The following GALNT13 variants were observed in gnomAD, a reference collection of about 807,000 sequenced individuals.
GALNT13 encodes polypeptide N-acetylgalactosaminyltransferase 13.
Under a neutral mutation model 64.2 loss-of-function variants are expected in GALNT13, and 28 were observed. That is an observed-to-expected ratio of 0.44 (90% CI 0.32 to 0.60). The LOEUF (loss-of-function observed/expected upper bound fraction) is 0.60. GALNT13 is among the 20% of genes least tolerant of loss of function. The pLI, the probability that GALNT13 is intolerant of heterozygous loss-of-function variation, is 0.05. For synonymous variants in GALNT13, 214 were observed against 224.6 expected (o/e 0.95, Z 0.42); for missense variants, 577 against 669.8 (o/e 0.86, Z 1.53).
the GALNT13 span, among the ~76,000 whole-genome samples, chr2:153,439,619 A>C: frequency 6.6e-6 from 1 of 152,198 alleles, no homozygotes; most frequent in Admixed American, 6.5e-5. Context: ...AATCTCAGCC[A>C]TGTGTGGGAT....
intron 3 of GALNT13, among the ~76,000 whole-genome samples, chr2:154,071,928 T>G (rs1411840856): frequency 6.6e-6 from 1 of 152,090 alleles, no homozygotes; most frequent in South Asian, 2.1e-4. Context: ...ATGATGTGCC[T>G]TACAATGAGA....
chr2:153,771,121 T>C, the GALNT13 span, among the ~76,000 whole-genome samples: 1 of 152,106 alleles, frequency 6.6e-6, no homozygotes, highest in Non-Finnish European at 1.5e-5. Flanking sequence ...ATGTGCCTAA[T>C]ACATGGAAAT....
chr2:153,256,443 A>G, the GALNT13 span, among the ~76,000 whole-genome samples: 2 of 151,834 alleles, frequency 1.3e-5, no homozygotes, highest in Non-Finnish European at 1.5e-5. Context: ...TAATTTGATC[A>G]TCTGAAGCCT....
At chr2:153,189,369 C>A in the GALNT13 span, among the ~76,000 whole-genome samples, 1 of 152,124 alleles carries the variant, frequency 6.6e-6, no homozygotes, top group Non-Finnish European at 1.5e-5. Flanking sequence ...TGATGACTTT[C>A]AGTTTCATCC....
At chr2:154,304,497 A>G (rs1574056678) in intron 9 of GALNT13, among the ~76,000 whole-genome samples, 1 of 152,226 alleles carries the variant, frequency 6.6e-6, no homozygotes, top group Non-Finnish European at 1.5e-5. Flanking sequence ...AATATGAGTA[A>G]TTGAGAATAA....
chr2:153,228,484 G>A, the GALNT13 span, among the ~76,000 whole-genome samples: 1 of 152,042 alleles, frequency 6.6e-6, no homozygotes, highest in Non-Finnish European at 1.5e-5. Flanking sequence ...ATCTAGACTT[G>A]CAATTATTTC....
chr2:153,410,651 A>G, the GALNT13 span, among the ~76,000 whole-genome samples: 3 of 152,274 alleles, frequency 2.0e-5, no homozygotes, highest in Middle Eastern at 3.4e-3. Context: ...TTCTCTTGTT[A>G]AAAAAGTTTT....
the GALNT13 span, among the ~76,000 whole-genome samples, chr2:153,812,643 A>G: frequency 3.9e-5 from 6 of 152,288 alleles, no homozygotes; most frequent in African/African-American, 9.6e-5. Flanking sequence ...GGCCATTCCT[A>G]CAGATTATAT....
At chr2:153,226,021 C>T in the GALNT13 span, among the ~76,000 whole-genome samples, 5 of 151,840 alleles carry the variant, frequency 3.3e-5, no homozygotes. Context: ...GCAACCTCCA[C>T]CTCCCAGGTT....
At chr2:154,390,226 G>A (rs749591295) in intron 9 of GALNT13, among the ~76,000 whole-genome samples, 2 of 152,124 alleles carry the variant, frequency 1.3e-5, no homozygotes, top group Non-Finnish European at 2.9e-5. Context: ...ATGAATAAAA[G>A]ACAGATTTTT....
chr2:153,152,897 G>T, the GALNT13 span, among the ~76,000 whole-genome samples: 1 of 152,092 alleles, frequency 6.6e-6, no homozygotes, highest in Non-Finnish European at 1.5e-5. Context: ...ATAATAAAAA[G>T]ATTTATATTC....
chr2:153,145,156 A>G, the GALNT13 span, among the ~76,000 whole-genome samples: 5 of 151,892 alleles, frequency 3.3e-5, no homozygotes, highest in Non-Finnish European at 4.4e-5. Flanking sequence ...TTTGTCATCT[A>G]TTATGGTGCT....
the GALNT13 span, among the ~76,000 whole-genome samples, chr2:153,715,767 C>T: frequency 2.6e-4 from 40 of 152,080 alleles, no homozygotes; most frequent in African/African-American, 6.7e-4. Flanking sequence ...TTAACATCCT[C>T]AATTCTCAGT....
the GALNT13 span, among the ~76,000 whole-genome samples, chr2:153,607,784 C>A: frequency 9.7e-4 from 147 of 151,768 alleles, no homozygotes; most frequent in African/African-American, 3.3e-3. Context: ...AGTGTTTGTC[C>A]CACCCTTAAG....
the GALNT13 span, among the ~76,000 whole-genome samples, chr2:153,267,209 C>T: frequency 6.6e-6 from 1 of 152,214 alleles, no homozygotes; most frequent in Admixed American, 6.5e-5. Flanking sequence ...CTGTAAGGTA[C>T]AGCCCCTGAA....
intron 1 of GALNT13, among the ~76,000 whole-genome samples, chr2:153,890,662 G>A (rs1391872152): frequency 1.3e-5 from 2 of 151,962 alleles, no homozygotes; most frequent in East Asian, 1.9e-4. Context: ...AACAACAACA[G>A]CAACAAAAAC....
the GALNT13 span, among the ~76,000 whole-genome samples, chr2:153,342,056 T>C: frequency 6.6e-6 from 1 of 152,222 alleles, no homozygotes; most frequent in African/African-American, 2.4e-5. Context: ...AAAGAGGATA[T>C]GTCATTAAAT....
chr2:154,269,588 C>T (rs1319854955), intron 8 of GALNT13, among the ~76,000 whole-genome samples: 1 of 151,686 alleles, frequency 6.6e-6, no homozygotes, highest in African/African-American at 2.4e-5. Flanking sequence ...CATAAACTGA[C>T]ATCATGTGTG....
the GALNT13 span, among the ~76,000 whole-genome samples, chr2:153,597,414 G>A: frequency 8.6e-5 from 13 of 151,930 alleles, no homozygotes; most frequent in African/African-American, 2.9e-4. Context: ...AATGGTACTG[G>A]ACAACTGGAT....
Sources: gnomAD v4.1 joint callset for allele counts (sites outside exome capture counted in the v4.1 genomes callset) on GRCh38, gnomAD v4.1.1 for gene constraint, MANE v1.5 for transcripts, NCBI Gene and HGNC (gene_info 2026-07-23, HGNC 2026-07-21) for gene names.